The following MED27 variants were observed in gnomAD, a reference collection of about 807,000 sequenced individuals.
The protein encoded by MED27 is mediator complex subunit 27, also known as mediator of RNA polymerase II transcription subunit 27.
MED27 carries 30 observed loss-of-function variants against 38.2 expected under a neutral mutation model. The observed-to-expected ratio is 0.79, with a 90% CI of 0.59 to 1.07. The LOEUF is 1.07. MED27 is among the 50% of genes least tolerant of loss of function. The pLI is 0.00. For synonymous variants in MED27, 122 were observed against 153.5 expected, an observed-to-expected ratio of 0.79 and a Z score of 1.52; for missense variants, 289 against 397.5, an observed-to-expected ratio of 0.73 and a Z score of 2.32.
intron 4 of MED27, among the ~76,000 whole-genome samples, chr9:131,938,412 G>T (rs1281714296): frequency 6.6e-6 from 1 of 152,162 alleles, no homozygotes; most frequent in Non-Finnish European, 1.5e-5. Flanking sequence ...TGTGTTCAGG[G>T]AAGTATTCTT....
At chr9:131,919,105 A>G (rs1389182947) in intron 4 of MED27, among the ~76,000 whole-genome samples, 1 of 152,204 alleles carries the variant, frequency 6.6e-6, no homozygotes, top group Non-Finnish European at 1.5e-5. Flanking sequence ...AAGAGTAGGG[A>G]GTAGGGAGAA....
At chr9:131,979,174 C>A (rs950710395) in intron 3 of MED27, among the ~76,000 whole-genome samples, 1 of 152,038 alleles carries the variant, frequency 6.6e-6, no homozygotes, top group Non-Finnish European at 1.5e-5. Context: ...CTTGGGAGCT[C>A]CCTGGACATT....
chr9:131,876,043 G>C (rs1838925898), intron 6 of MED27, among the ~76,000 whole-genome samples: 1 of 152,240 alleles, frequency 6.6e-6, no homozygotes, highest in South Asian at 2.1e-4. Context: ...GATGGTCGCT[G>C]TGGGGAATGT....
chr9:131,904,445 G>C (rs1012837659), intron 4 of MED27, among the ~76,000 whole-genome samples: 1 of 152,032 alleles, frequency 6.6e-6, no homozygotes, highest in Non-Finnish European at 1.5e-5. Context: ...CCATTACCCA[G>C]GCTGGAGTAC....
At chr9:132,067,973 T>C (rs560025537) in intron 2 of MED27, among the ~76,000 whole-genome samples, 1 of 152,278 alleles carries the variant, frequency 6.6e-6, no homozygotes, top group South Asian at 2.1e-4. Context: ...CGGCCCAAAA[T>C]GTTCGTAATA....
intron 3 of MED27, among the ~76,000 whole-genome samples, chr9:131,956,226 T>C (rs1831094734): frequency 6.6e-6 from 1 of 152,132 alleles, no homozygotes; most frequent in Non-Finnish European, 1.5e-5. Context: ...GTCAAATCCA[T>C]AGAGACAGAA....
At chr9:131,936,164 AAAG>A (rs1830681013) in intron 4 of MED27, among the ~76,000 whole-genome samples, 1 of 151,660 alleles carries the variant, frequency 6.6e-6, no homozygotes, top group African/African-American at 2.4e-5. Context: ...AGAAAGAAAG[AAAG>A]AAAGAAAAAA....
intron 4 of MED27, among the ~76,000 whole-genome samples, chr9:131,897,520 G>C (rs918416379): frequency 6.6e-6 from 1 of 152,130 alleles, no homozygotes; most frequent in African/African-American, 2.4e-5. Context: ...ATGAGATGTG[G>C]GTGTCATGGT....
intron 3 of MED27, among the ~76,000 whole-genome samples, chr9:131,950,019 A>G: frequency 6.6e-6 from 1 of 152,076 alleles, no homozygotes; most frequent in East Asian, 1.9e-4. Flanking sequence ...TGCATTACAA[A>G]TTTACTCAGG....
chr9:131,952,123 C>A (rs1245483169), intron 3 of MED27, among the ~76,000 whole-genome samples: 3 of 152,208 alleles, frequency 2.0e-5, no homozygotes, highest in Admixed American at 6.5e-5. Flanking sequence ...ACACAGATTA[C>A]ATCAACAAGC....
At chr9:131,931,507 T>C (rs548945731) in intron 4 of MED27, among the ~76,000 whole-genome samples, 37 of 151,914 alleles carry the variant, frequency 2.4e-4, no homozygotes, top group South Asian at 1.0e-3. Flanking sequence ...TAACACTGAG[T>C]ATAAGTGAAC....
At chr9:132,046,448 A>G (rs1188182927) in intron 2 of MED27, among the ~76,000 whole-genome samples, 4 of 152,176 alleles carry the variant, frequency 2.6e-5, no homozygotes, top group Non-Finnish European at 5.9e-5. Context: ...AAAAAAATCC[A>G]TACATTATTC....
intron 6 of MED27, among the ~76,000 whole-genome samples, chr9:131,877,518 G>A (rs564487813): frequency 8.5e-5 from 13 of 152,192 alleles, no homozygotes; most frequent in African/African-American, 2.9e-4. Context: ...GGAAGTTGCA[G>A]TGAGCCGAGA....
chr9:132,072,035 C>T (rs562110055), intron 2 of MED27, among the ~76,000 whole-genome samples: 183 of 152,190 alleles, frequency 1.2e-3, no homozygotes, highest in Non-Finnish European at 1.9e-3. Flanking sequence ...ACACGCACCC[C>T]GTGAACGAGC....
intron 3 of MED27, among the ~76,000 whole-genome samples, chr9:131,973,461 T>TC (rs201024481): frequency 1.3e-4 from 17 of 135,808 alleles, no homozygotes; most frequent in South Asian, 1.1e-3. Context: ...TCTTTTCTTT[T>TC]TTTTTTTTTT....
chr9:132,009,293 T>C lies in MED27; in HGVS notation c.479+5044A>G, dbSNP rs1320852753. ...TGTGTGCGATGTGATGGTTTTAAAA[T>C]AAATATGTCCACAAATTCTTTGACA... On this transcript the variant is annotated intron_variant, in intron 3 of 7. Coordinates refer to ENST00000292035, the MANE Select transcript of MED27 (RefSeq NM_004269.4). Among the ~76,000 whole-genome samples the C allele has an allele frequency of 2.0e-5, 3 of 152,188 alleles. No homozygotes were observed. The East Asian group carries it at 5.8e-4, about 29-fold the overall frequency.
intron 3 of MED27, among the ~76,000 whole-genome samples, chr9:131,962,725 T>C (rs1831242399): frequency 6.6e-6 from 1 of 152,262 alleles, no homozygotes; most frequent in African/African-American, 2.4e-5. Flanking sequence ...TGCTTGGACA[T>C]ACTCAACTCC....
At chr9:132,000,752 AT>A (rs35552801) in intron 3 of MED27, among the ~76,000 whole-genome samples, 2,817 of 142,672 alleles carry the variant, frequency 0.02, 48 homozygotes, top group African/African-American at 0.049. Context: ...TTAAAAAAAA[AT>A]TTTTTTTTTT....
At chr9:132,016,911 G>C (rs908628079) in intron 2 of MED27, among the ~76,000 whole-genome samples, 2 of 152,112 alleles carry the variant, frequency 1.3e-5, no homozygotes, top group Non-Finnish European at 2.9e-5. Context: ...CTTTTAAAGG[G>C]TTCCTCTGAA....
Sources: allele counts gnomAD v4.1 joint callset (sites outside exome capture counted in the v4.1 genomes callset), GRCh38; gene constraint gnomAD v4.1.1; transcripts MANE v1.5; gene names NCBI Gene and HGNC (gene_info 2026-07-23, HGNC 2026-07-21).